TRIM2: variants seen among roughly 807,000 people sequenced by gnomAD.
The protein encoded by TRIM2 is tripartite motif containing 2.
In TRIM2, 20 loss-of-function variants were observed where a neutral mutation model predicts 75.2. That is an observed-to-expected ratio of 0.27 (90% CI 0.19 to 0.39). The LOEUF (loss-of-function observed/expected upper bound fraction) is 0.39, where lower values mean the gene tolerates loss of function less well. TRIM2 is among the 10% of genes least tolerant of loss of function. The pLI, the probability that TRIM2 is intolerant of heterozygous loss-of-function variation, is 1.00. For synonymous variants in TRIM2, 373 were observed against 388.3 expected, an observed-to-expected ratio of 0.96 and a Z score of 0.46; for missense variants, 660 against 990.8, an observed-to-expected ratio of 0.67 and a Z score of 4.48.
rs781209323 is a variant in TRIM2, at chr4:153,295,063, C to T, written c.787-250C>T. On this transcript the variant is annotated intron_variant, in intron 5 of 11. Transcript: ENST00000338700. This position sits in a 1 kb window ranked among gnomAD's most constrained non-coding sequence, Gnocchi z 7.2. ...TAGTGACCTTTCTGTTTTCCCCTCTCCAAAACACATGAGCCAAGAAATACA... is the reference window on the plus strand; with the variant it reads ...TAGTGACCTTTCTGTTTTCCCCTCTTCAAAACACATGAGCCAAGAAATACA... Among the ~76,000 whole-genome samples, 3 of 152,238 alleles carry T rather than the reference C, an allele frequency of 2.0e-5. No homozygotes were observed. Among genetic ancestry groups the T allele is most frequent in the Non-Finnish European group, 2.9e-5 (2 of 68,040 alleles).
chr4:153,265,137 G>A (rs1281893830), intron 1 of TRIM2, among the ~76,000 whole-genome samples: 2 of 149,226 alleles, frequency 1.3e-5, no homozygotes, highest in Non-Finnish European at 3.0e-5. Context: ...TTTTTTTCTT[G>A]CCAAAAATCC....
At chr4:153,241,290 C>T (rs979290896) in intron 1 of TRIM2, among the ~76,000 whole-genome samples, 3 of 152,160 alleles carry the variant, frequency 2.0e-5, no homozygotes, top group Non-Finnish European at 4.4e-5. Flanking sequence ...GATCACACAG[C>T]TCTGGCTAAT....
chr4:153,336,521 T>C lies in TRIM2; in HGVS notation c.*1555T>C, dbSNP rs1772475675. On this transcript the variant is annotated 3_prime_UTR_variant, in exon 12 of 12. Transcript: ENST00000338700. ...GTACTGTAAAATAAGCTGTGGTCTA[T>C]TTCCACTGTTTAATTTTCTACTCAG... The C allele has an allele frequency of 9.1e-6, 9 of 985,746 alleles. 1 individual carries two copies. The South Asian group carries it at 4.2e-4, about 46-fold the overall frequency. The allele number at this position is 985,746 out of a possible 1,614,324, so 61.1% of individuals were successfully genotyped here. A position where few individuals can be genotyped will look rare whatever the true frequency, so the allele number is the denominator to read the frequency against.
chr4:153,336,918 A>G lies in TRIM2; in HGVS notation c.*1952A>G. On this transcript the variant is annotated 3_prime_UTR_variant, in exon 12 of 12. Coordinates refer to ENST00000338700, the MANE Select transcript of TRIM2 (RefSeq NM_015271.5). ...ATTCAATAACTTTTTAGAATGTTAA[A>G]TGAAGACACTGTTTCCTAACATCAG... 2 of 984,938 alleles carry G rather than the reference A, an allele frequency of 2.0e-6. No homozygotes were observed. The highest frequency in any genetic ancestry group is 2.4e-6 in the Non-Finnish European group (2 of 829,314). 61.0% of individuals were successfully genotyped at this position (984,938 alleles called of 1,614,324 possible). A position where few individuals can be genotyped will look rare whatever the true frequency, so the allele number is the denominator to read the frequency against.
chr4:153,333,222 AG>A (rs1386084580), intron 11 of TRIM2, among the ~76,000 whole-genome samples: 2 of 152,240 alleles, frequency 1.3e-5, no homozygotes, highest in Non-Finnish European at 2.9e-5. Flanking sequence ...CATTTTCAGA[AG>A]GTTACATACT....
At chr4:153,325,436 A>C (rs1163165195) in intron 10 of TRIM2, among the ~76,000 whole-genome samples, 1 of 152,176 alleles carries the variant, frequency 6.6e-6, no homozygotes, top group Non-Finnish European at 1.5e-5. Flanking sequence ...GTCCATGGGA[A>C]GTGTCTTGGT....
At chr4:153,184,953 A>G (rs1732442827) in intron 1 of TRIM2, among the ~76,000 whole-genome samples, 1 of 152,172 alleles carries the variant, frequency 6.6e-6, no homozygotes, top group African/African-American at 2.4e-5. Context: ...TCTCAAAACA[A>G]CAACAACGTT....
chr4:153,174,147 C>T (rs1409997608), intron 1 of TRIM2, among the ~76,000 whole-genome samples: 1 of 43,214 alleles, frequency 2.3e-5, no homozygotes, highest in Non-Finnish European at 4.6e-5. Context: ...GAAACCCTTG[C>T]ATTGCCTATG....
At chr4:153,250,593 A>C (rs1177943953) in intron 1 of TRIM2, among the ~76,000 whole-genome samples, 1 of 152,226 alleles carries the variant, frequency 6.6e-6, no homozygotes, top group Non-Finnish European at 1.5e-5. Flanking sequence ...CTGGGCATGA[A>C]TTTATGTCCA....
intron 1 of TRIM2, among the ~76,000 whole-genome samples, chr4:153,263,995 G>A (rs897209761): frequency 6.6e-5 from 10 of 152,184 alleles, no homozygotes; most frequent in African/African-American, 2.2e-4. Flanking sequence ...ATTTGGGAGG[G>A]ACACAGACAT....
In TRIM2 at chr4:153,322,412, A is replaced by AAAAT. The variant is rs376948126; in HGVS notation, c.1783-216_1783-213dup. The stretch of plus-strand genomic sequence containing the variant: ...GACAACAGAATGAGACTTCGTCTCA[A>AAAAT]AAATAAATAAATAAATAAATAAAAG... On this transcript the variant is annotated intron_variant, in intron 8 of 11. Coordinates refer to ENST00000338700, the MANE Select transcript of TRIM2 (RefSeq NM_015271.5). Among the ~76,000 whole-genome samples the AAAAT allele has an allele frequency of 2.8e-3, 423 of 152,284 alleles. 2 individuals carry two copies. Among genetic ancestry groups the AAAAT allele is most frequent in the African/African-American group, 9.0e-3 (375 of 41,534 alleles).
chr4:153,257,345 C>T (rs1752316580), intron 1 of TRIM2: 1 of 1,026,044 alleles, frequency 9.7e-7, no homozygotes, highest in Admixed American at 4.7e-5. Flanking sequence ...TGCTGCATCC[C>T]TATCCCATAA....
At chr4:153,175,078 C>G (rs1371578836) in intron 1 of TRIM2, among the ~76,000 whole-genome samples, 2 of 152,018 alleles carry the variant, frequency 1.3e-5, no homozygotes, top group African/African-American at 4.8e-5. Flanking sequence ...GGTGCAATCT[C>G]GGCTCGCTGC....
At chr4:153,227,221 A>G (rs954235503) in intron 1 of TRIM2, among the ~76,000 whole-genome samples, 3 of 152,218 alleles carry the variant, frequency 2.0e-5, no homozygotes, top group African/African-American at 7.2e-5. Flanking sequence ...AGGCTCTTTC[A>G]GCATTACCTG....
At position 153,212,405 on chromosome 4, in the gene TRIM2, G is replaced by A. The variant is rs1000436929; in HGVS notation, c.30+7845G>A. Among the ~76,000 whole-genome samples the A allele has an allele frequency of 3.3e-5, 5 of 152,144 alleles. No individual in the cohort carries two copies. In the East Asian group the frequency reaches 9.6e-4, roughly 29 times the overall value. ...CTCCAAAAGGTGGGAAGATGGAAGG[G>A]GATAAAGGATGAAATATTGCCTATT... On this transcript the variant is annotated intron_variant, in intron 1 of 11. Transcript: ENST00000338700.
At chr4:153,302,514 T>A (rs968937488) in intron 6 of TRIM2, among the ~76,000 whole-genome samples, 4 of 152,180 alleles carry the variant, frequency 2.6e-5, no homozygotes, top group Non-Finnish European at 5.9e-5. Flanking sequence ...ACTTTAATGA[T>A]GGGTAGGACT....
At chr4:153,182,604 A>T (rs1343909418) in intron 1 of TRIM2, among the ~76,000 whole-genome samples, 2 of 152,250 alleles carry the variant, frequency 1.3e-5, no homozygotes, top group Non-Finnish European at 2.9e-5. Context: ...ACCACTCAGT[A>T]TTCAAACCAT....
intron 8 of TRIM2, among the ~76,000 whole-genome samples, chr4:153,317,582 G>T (rs368556869): frequency 2.0e-5 from 3 of 151,760 alleles, no homozygotes; most frequent in African/African-American, 4.8e-5. Flanking sequence ...CCCGGGAGGC[G>T]GAGCTTGCAG....
At chr4:153,310,578 G>A (rs2150216965) in intron 6 of TRIM2, among the ~76,000 whole-genome samples, 1 of 152,276 alleles carries the variant, frequency 6.6e-6, no homozygotes, top group East Asian at 1.9e-4. Flanking sequence ...GTATATGCTA[G>A]TGGTGTCCTT....
Sources: gnomAD v4.1 joint callset for allele counts (sites outside exome capture counted in the v4.1 genomes callset) on GRCh38, gnomAD v4.1.1 for gene constraint, Gnocchi (gnomAD v3.1) non-coding constraint, MANE v1.5 for transcripts, NCBI Gene and HGNC (gene_info 2026-07-23, HGNC 2026-07-21) for gene names.